The following XYLT1 variants were observed in gnomAD, a reference collection of about 807,000 sequenced individuals.
The protein encoded by XYLT1 is beta-D-xylosyltransferase 1.
Under a neutral mutation model 91.3 loss-of-function variants are expected in XYLT1, and 36 were observed. That is an observed-to-expected ratio of 0.39 (90% CI 0.30 to 0.52). The LOEUF is 0.52. Ranked by LOEUF, XYLT1 falls within the 20% of genes least tolerant of loss-of-function variation. The pLI, the probability that XYLT1 is intolerant of heterozygous loss-of-function variation, is 0.68. For missense variants in XYLT1, 1,242 were observed against 1,284.5 expected (o/e 0.97, Z 0.51); for synonymous variants, 588 against 532.0 (o/e 1.11, Z -1.45).
chr16:17,133,976 A>AGGATGTCTGG (rs2030604604), intron 9 of XYLT1, among the ~76,000 whole-genome samples: 1 of 152,224 alleles, frequency 6.6e-6, no homozygotes, highest in African/African-American at 2.4e-5. Flanking sequence ...CTGAAATGAT[A>AGGATGTCTGG]GGATGTCTGG....
chr16:17,186,963 T>G (rs944629288), intron 5 of XYLT1, among the ~76,000 whole-genome samples: 3 of 152,050 alleles, frequency 2.0e-5, no homozygotes, highest in African/African-American at 7.2e-5. Flanking sequence ...AAGGTGCAGA[T>G]GGAGCAGCAA....
At chr16:17,202,016 C>A (rs760110863) in intron 3 of XYLT1, among the ~76,000 whole-genome samples, 1 of 152,156 alleles carries the variant, frequency 6.6e-6, no homozygotes, top group Non-Finnish European at 1.5e-5. Flanking sequence ...GATAAATAGT[C>A]CCAGACATAT....
chr16:17,267,890 G>C (rs976874663), intron 2 of XYLT1, among the ~76,000 whole-genome samples: 3 of 129,022 alleles, frequency 2.3e-5, no homozygotes, highest in Non-Finnish European at 4.9e-5. Flanking sequence ...TGAGAATTAA[G>C]AGTCAATGAA....
chr16:17,224,669 T>C (rs1223275545), intron 3 of XYLT1, among the ~76,000 whole-genome samples: 3 of 152,184 alleles, frequency 2.0e-5, no homozygotes, highest in South Asian at 4.1e-4. Context: ...AAAAGGGGTA[T>C]GCCAGAGACA....
At chr16:17,457,250 T>C (rs913692763) in intron 1 of XYLT1, among the ~76,000 whole-genome samples, 1 of 152,242 alleles carries the variant, frequency 6.6e-6, no homozygotes, top group African/African-American at 2.4e-5. Context: ...CATTATTCCA[T>C]CTGGAGCCCA....
chr16:17,351,178 T>C (rs4564548), intron 2 of XYLT1, among the ~76,000 whole-genome samples: 75,166 of 151,956 alleles, frequency 0.49, 20,811 homozygotes, highest in African/African-American at 0.74. Flanking sequence ...GGTCATTGTG[T>C]ACCCAGAGTC....
intron 3 of XYLT1, among the ~76,000 whole-genome samples, chr16:17,245,725 G>T (rs567756112): frequency 7.9e-5 from 12 of 152,188 alleles, no homozygotes; most frequent in Admixed American, 2.6e-4. Context: ...AATTCCACGG[G>T]GTAATAAATT....
intron 3 of XYLT1, among the ~76,000 whole-genome samples, chr16:17,230,710 C>T (rs753189305): frequency 2.0e-5 from 3 of 152,150 alleles, no homozygotes; most frequent in East Asian, 1.9e-4. Context: ...CCCTTGGCTC[C>T]GTGATAGCCT....
chr16:17,358,188 G>A, intron 1 of XYLT1, 138 bp from the exon 2 acceptor site: 1 of 850,510 alleles, frequency 1.2e-6, no homozygotes, highest in Admixed American at 2.7e-5. Flanking sequence ...GGAGAGCAGT[G>A]GCATGATCAT....
In XYLT1 at chr16:17,103,799, C is replaced by T. The variant is rs1966739281; in HGVS notation, c.*4896G>A. ...GAGGTCACTTTCTCCCTGCATACGC[C>T]TGGTAAGACCAGAGCCAAAGACAAC... On this transcript the variant is annotated 3_prime_UTR_variant, in exon 12 of 12. Transcript: ENST00000261381. 1 of 152,174 alleles carries T rather than the reference C, an allele frequency of 6.6e-6. No individual in the cohort carries two copies. The highest frequency in any genetic ancestry group is 2.4e-5 in the African/African-American group (1 of 41,392). The allele number at this position is 152,174 out of a possible 1,614,324, so 9.4% of individuals were successfully genotyped here.
At chr16:17,299,854 G>C (rs2034368181) in intron 2 of XYLT1, among the ~76,000 whole-genome samples, 1 of 152,164 alleles carries the variant, frequency 6.6e-6, no homozygotes, top group Middle Eastern at 3.2e-3. Context: ...CCCCATCCTG[G>C]TGGACATGAA....
At chr16:17,453,517 A>C (rs554641686) in intron 1 of XYLT1, among the ~76,000 whole-genome samples, 1 of 152,318 alleles carries the variant, frequency 6.6e-6, no homozygotes, top group African/African-American at 2.4e-5. Context: ...GGCATTCAGA[A>C]ACTGACACAG....
At chr16:17,466,846 G>A (rs1289932947) in intron 1 of XYLT1, among the ~76,000 whole-genome samples, 1 of 151,944 alleles carries the variant, frequency 6.6e-6, no homozygotes, top group Non-Finnish European at 1.5e-5. Context: ...TGTATACAAA[G>A]TGTAATGCGT....
intron 5 of XYLT1, among the ~76,000 whole-genome samples, chr16:17,182,920 A>C (rs959367386): frequency 7.9e-5 from 12 of 152,194 alleles, no homozygotes; most frequent in African/African-American, 2.9e-4. Context: ...TAGAGCACAC[A>C]GTCAGTAAAG....
intron 5 of XYLT1, among the ~76,000 whole-genome samples, chr16:17,197,016 T>C (rs2032440430): frequency 8.6e-6 from 1 of 116,090 alleles, no homozygotes; most frequent in East Asian, 2.0e-4. Context: ...GTCTCCAAAA[T>C]ATATATATAT....
intron 2 of XYLT1, among the ~76,000 whole-genome samples, chr16:17,337,346 C>G (rs559070782): frequency 1.8e-4 from 27 of 152,210 alleles, no homozygotes; most frequent in African/African-American, 6.0e-4. Context: ...TGCCACCACA[C>G]CCAGCTAATT....
chr16:17,209,594 A>G (rs1400392751), intron 3 of XYLT1, among the ~76,000 whole-genome samples: 1 of 152,194 alleles, frequency 6.6e-6, no homozygotes, highest in African/African-American at 2.4e-5. Context: ...TTCCTAACTC[A>G]GCTATTCCAC....
intron 1 of XYLT1, among the ~76,000 whole-genome samples, chr16:17,444,938 T>G (rs1353917422): frequency 6.6e-6 from 1 of 152,156 alleles, no homozygotes; most frequent in African/African-American, 2.4e-5. Flanking sequence ...TGGAGCATAG[T>G]AGGTGCTCAC....
At chr16:17,339,532 T>C (rs931812866) in intron 2 of XYLT1, among the ~76,000 whole-genome samples, 5 of 152,252 alleles carry the variant, frequency 3.3e-5, no homozygotes, top group African/African-American at 1.2e-4. Context: ...AGTTTTCTGA[T>C]TTTTATATAT....
Sources: gnomAD v4.1 joint callset for allele counts (sites outside exome capture counted in the v4.1 genomes callset) on GRCh38, gnomAD v4.1.1 for gene constraint, MANE v1.5 for transcripts, NCBI Gene and HGNC (gene_info 2026-07-23, HGNC 2026-07-21) for gene names.